TRIM47: variants seen among roughly 807,000 people sequenced by gnomAD.
The protein encoded by TRIM47 is E3 ubiquitin-protein ligase TRIM47.
TRIM47 carries 46 observed loss-of-function variants against 54.4 expected under a neutral mutation model. That is an observed-to-expected ratio of 0.84 (90% confidence interval 0.67 to 1.08). The LOEUF (loss-of-function observed/expected upper bound fraction) is 1.08, where lower values mean the gene tolerates loss of function less well. Ranked by LOEUF, TRIM47 falls within the 50% of genes least tolerant of loss-of-function variation. The pLI, the probability that TRIM47 is intolerant of heterozygous loss-of-function variation, is 0.00. For missense variants in TRIM47, 825 were observed against 910.1 expected (o/e 0.91, Z 1.20); for synonymous variants, 392 against 410.2 (o/e 0.96, Z 0.54).
chr17:75,875,212 C>T lies in TRIM47; in HGVS notation c.1277-89G>A, dbSNP rs1345241438. 6 of 1,444,072 alleles carry T rather than the reference C, an allele frequency of 4.2e-6. No individual in the cohort carries two copies. The Admixed American group carries it at 6.5e-5, about 16-fold the overall frequency. 89.5% of individuals were successfully genotyped at this position (1,444,072 alleles called of 1,614,324 possible). On this transcript the variant is annotated intron_variant, in intron 5 of 5. Coordinates refer to ENST00000254816, the MANE Select transcript of TRIM47 (RefSeq NM_033452.3). This position sits in a 1 kb window ranked among gnomAD's most constrained non-coding sequence, Gnocchi z 6.1. Reference sequence around the variant, plus strand: ...CCCAAGTACCCACCCCCCCAAAACACAGCCTCTCCCCTGCTTTCCAACCGG... The same window carrying T: ...CCCAAGTACCCACCCCCCCAAAACATAGCCTCTCCCCTGCTTTCCAACCGG...
chr17:75,875,577 A>C lies in TRIM47; in HGVS notation c.1202-103T>G. On this transcript the variant is annotated intron_variant, in intron 4 of 5. Coordinates refer to ENST00000254816, the MANE Select transcript of TRIM47 (RefSeq NM_033452.3). This position sits in a 1 kb window ranked among gnomAD's most constrained non-coding sequence, Gnocchi z 6.1. ...TCACTTCCTCCCAGAGTCCAGAGCC[A>C]CCAGGGAGCAAGCACCACCCAGATG... 6 of 1,070,734 alleles carry C rather than the reference A, an allele frequency of 5.6e-6. No individual in the cohort carries two copies. The highest frequency in any genetic ancestry group is 8.5e-6 in the Non-Finnish European group (6 of 705,514). 66.3% of individuals were successfully genotyped at this position (1,070,734 alleles called of 1,614,324 possible).
intron 1 of TRIM47, 55 bp downstream of exon 1, chr17:75,877,819 T>C (rs2065144443): frequency 1.6e-6 from 2 of 1,285,808 alleles, no homozygotes; most frequent in Non-Finnish European, 2.0e-6. Flanking sequence ...CTCGGCCCGC[T>C]CGCGCGCGGT....
chr17:75,874,671 C>T lies in TRIM47; in HGVS notation c.1729G>A (p.Ala577Thr). ...ATGCCACCCCGGCGGGGCCGGGAGG[C>T]CTTCAGCCTCCGCAGGAGGCTCATC... The part of the protein sequence containing the change: ...GKMSLLRRLK[A>T]SRPRRGGIPA... Residue 577 changes from alanine (A) to threonine (T), a missense_variant, in exon 6 of 6, where the codon GCC becomes ACC. Physicochemically the swap from Ala to Thr is moderately conservative, Grantham distance 58. Coordinates refer to ENST00000254816, the MANE Select transcript of TRIM47 (RefSeq NM_033452.3). The surrounding 1 kb of genome is among the most constrained non-coding windows in gnomAD (Gnocchi z 6.2). 6.2e-7 allele frequency: 1 copy of T among 1,602,402 alleles called. No homozygotes were observed. The highest frequency in any genetic ancestry group is 8.5e-7 in the Non-Finnish European group (1 of 1,172,358).
At chr17:75,877,654 G>C (rs549033476) in intron 1 of TRIM47, 2 of 1,225,244 alleles carry the variant, frequency 1.6e-6, no homozygotes, top group South Asian at 4.1e-5. Flanking sequence ...CCCGCTCTTC[G>C]CGTCCTTGTC....
chr17:75,878,249 C>A lies in TRIM47; in HGVS notation c.300G>T (p.Ser100=). Residue 100 remains serine, a synonymous_variant, in exon 1 of 6, where the codon TCG becomes TCT. Transcript: ENST00000254816. ...GPAPALAPEP[S]APSALPSVPE... ...GGACACTGGGCAGCGCGCTGGGTGC[C>A]GAGGGCTCCGGGGCCAGGGCAGGGG... 8.1e-7 allele frequency: 1 copy of A among 1,238,806 alleles called. No homozygotes were observed. The highest frequency in any genetic ancestry group is 3.5e-5 in the South Asian group (1 of 28,842). 76.7% of individuals were successfully genotyped at this position (1,238,806 alleles called of 1,614,324 possible).
rs762497679 is a variant in TRIM47, at chr17:75,874,981, G to A, written c.1419C>T (p.Gly473=). 3.3e-5 allele frequency: 53 copies of A among 1,613,898 alleles called. No homozygotes were observed. Among genetic ancestry groups the A allele is most frequent in the Non-Finnish European group, 4.2e-5 (49 of 1,179,978 alleles). The change falls in exon 6 of 6, where the codon GGC becomes GGT. Residue 473 remains glycine, a synonymous_variant. Coordinates refer to ENST00000254816, the MANE Select transcript of TRIM47 (RefSeq NM_033452.3). The surrounding 1 kb of genome is among the most constrained non-coding windows in gnomAD (Gnocchi z 6.2). ...AGGTGCCTCGGTCCAGGGCACCCTC[G>A]CCCAGCACCTGCTCACAATGGGTGA... The part of the protein sequence containing the change: ...TRFTHCEQVL[G]EGALDRGTYY...
rs2065126814 is a variant in TRIM47 at position 75,875,288 on chromosome 17, C to A, written c.1276+112G>T. On this transcript the variant is annotated intron_variant, in intron 5 of 5. Transcript: ENST00000254816. This position sits in a 1 kb window ranked among gnomAD's most constrained non-coding sequence, Gnocchi z 6.1. ...CCCCAGGAGCTGCCCTAGCTCTCCC[C>A]ACAAACTGGGGAGAGGAATCCTAAC... 1.2e-5 allele frequency: 17 copies of A among 1,456,220 alleles called. No homozygotes were observed. Among genetic ancestry groups the A allele is most frequent in the Non-Finnish European group, 1.3e-5 (14 of 1,050,044 alleles). The allele number at this position is 1,456,220 out of a possible 1,614,324, so 90.2% of individuals were successfully genotyped here. A position where few individuals can be genotyped will look rare whatever the true frequency, so the allele number is the denominator to read the frequency against.
At chr17:75,877,498 C>T (rs2065142671) in intron 1 of TRIM47, 1 of 280,408 alleles carries the variant, frequency 3.6e-6, no homozygotes, top group Non-Finnish European at 6.1e-6. Flanking sequence ...TCGAAAGCTG[C>T]TGCCTCAGCC....
chr17:75,874,646 AT>A lies in TRIM47; in HGVS notation c.1753del (p.Ile585SerfsTer51), dbSNP rs2065120722. The A allele has an allele frequency of 9.4e-6, 15 of 1,590,752 alleles. No individual in the cohort carries two copies. Among genetic ancestry groups the A allele is most frequent in the Non-Finnish European group, 1.3e-5 (15 of 1,166,846 alleles). On this transcript the variant is annotated frameshift_variant, in exon 6 of 6. Transcript: ENST00000254816. LOFTEE classifies it high-confidence loss of function. The surrounding 1 kb of genome is among the most constrained non-coding windows in gnomAD (Gnocchi z 6.2). Reference sequence around the variant, plus strand: ...GAAGGGGTCAATGGGGGAGGCCGGGATGCCACCCCGGCGGGGCCGGGAGGCC... The same window carrying A: ...GAAGGGGTCAATGGGGGAGGCCGGGAGCCACCCCGGCGGGGCCGGGAGGCC... ...LKASRPRRGG[I>X]PASPIDPFQS...
chr17:75,876,951 G>A lies in TRIM47; in HGVS notation c.676-138C>T, dbSNP rs1372823253. The A allele has an allele frequency of 6.3e-6, 5 of 788,790 alleles. No homozygotes were observed. In the East Asian group the frequency reaches 8.1e-5, roughly 13 times the overall value. The allele number at this position is 788,790 out of a possible 1,614,324, so 48.9% of individuals were successfully genotyped here. On this transcript the variant is annotated intron_variant, in intron 1 of 5. Transcript: ENST00000254816. ...CATCAGGTGGGACTGGAGTGGCCACGATGTCCCATAATATGCCAGAGGTGC... is the reference window on the plus strand; with the variant it reads ...CATCAGGTGGGACTGGAGTGGCCACAATGTCCCATAATATGCCAGAGGTGC...
chr17:75,874,508 C>T lies in TRIM47; in HGVS notation c.1892G>A (p.Cys631Tyr), dbSNP rs1567833875. ...HLQIGPLKKSCISVLKRR is the reference protein window; with the variant it reads ...HLQIGPLKKSYISVLKRR ...TCACCTCCTCTTCAGCACGGATATG[C>T]AGGACTTCTTGAGGGGCCCGATCTG... Residue 631 changes from cysteine to tyrosine, a missense_variant, in exon 6 of 6, where the codon TGC becomes TAC. Transcript: ENST00000254816. The surrounding 1 kb of genome is among the most constrained non-coding windows in gnomAD (Gnocchi z 6.2). 1 of 1,511,166 alleles carries T rather than the reference C, an allele frequency of 6.6e-7. No homozygotes were observed. The highest frequency in any genetic ancestry group is 8.9e-7 in the Non-Finnish European group (1 of 1,129,698). 93.6% of individuals were successfully genotyped at this position (1,511,166 alleles called of 1,614,324 possible).
chr17:75,876,216 C>T (rs748278569), intron 3 of TRIM47, 46 bp downstream of exon 3: 64 of 1,573,848 alleles, frequency 4.1e-5, no homozygotes, highest in Middle Eastern at 1.9e-4. Flanking sequence ...TCCACCCCAC[C>T]TGTCCCAGCT....
chr17:75,876,022 G>C lies in TRIM47; in HGVS notation c.1080C>G (p.Thr360=). The change falls in exon 4 of 6, where the codon ACC becomes ACG. Residue 360 remains threonine (T), a synonymous_variant. Transcript: ENST00000254816. ...CTGCACGGACAGCTTGGGATGATTT[G>C]GTGAAGCTGAGCTCCCTCGGGGGTC... ...GPGPPRELSF[T]KSSQAVRAVR... The C allele has an allele frequency of 6.2e-7, 1 of 1,604,550 alleles. No individual in the cohort carries two copies. Among genetic ancestry groups the C allele is most frequent in the East Asian group, 2.2e-5 (1 of 44,888 alleles).
At position 75,874,663 on chromosome 17, in the gene TRIM47, C is replaced by A; in HGVS notation, c.1737G>T (p.Arg579=). The A allele has an allele frequency of 6.3e-7, 1 of 1,598,576 alleles. No homozygotes were observed. The highest frequency in any genetic ancestry group is 2.2e-5 in the East Asian group (1 of 44,532). ...MSLLRRLKAS[R]PRRGGIPASP... The stretch of plus-strand genomic sequence containing the variant: ...AGGCCGGGATGCCACCCCGGCGGGG[C>A]CGGGAGGCCTTCAGCCTCCGCAGGA... The change falls in exon 6 of 6, where the codon CGG becomes CGT. Residue 579 remains arginine (R), a synonymous_variant. Coordinates refer to ENST00000254816, the MANE Select transcript of TRIM47 (RefSeq NM_033452.3). The surrounding 1 kb of genome is among the most constrained non-coding windows in gnomAD (Gnocchi z 6.2).
Position 75,877,901 on chromosome 17 carries a change from C to T in TRIM47, c.648G>A (p.Pro216=), listed in dbSNP as rs1244044836. The change falls in exon 1 of 6, where the codon CCG becomes CCA. Residue 216 remains proline, a synonymous_variant. Coordinates refer to ENST00000254816, the MANE Select transcript of TRIM47 (RefSeq NM_033452.3). ...AQEHRGHELV[P]LEQERALQEA... ...CCTGAAGCGCGCGCTCCTGCTCCAG[C>T]GGCACCAGCTCGTGGCCGCGGTGCT... 1.4e-6 allele frequency: 2 copies of T among 1,416,534 alleles called. No individual in the cohort carries two copies. The highest frequency in any genetic ancestry group is 2.8e-5 in the Admixed American group (1 of 35,474). 87.7% of individuals were successfully genotyped at this position (1,416,534 alleles called of 1,614,324 possible). A position where few individuals can be genotyped will look rare whatever the true frequency, so the allele number is the denominator to read the frequency against.
Position 75,875,555 on chromosome 17 carries a change from C to T in TRIM47, c.1202-81G>A. 1 of 1,317,932 alleles carries T rather than the reference C, an allele frequency of 7.6e-7. No homozygotes were observed. The highest frequency in any genetic ancestry group is 2.3e-5 in the East Asian group (1 of 42,940). The allele number at this position is 1,317,932 out of a possible 1,614,324, so 81.6% of individuals were successfully genotyped here. A position where few individuals can be genotyped will look rare whatever the true frequency, so the allele number is the denominator to read the frequency against. On this transcript the variant is annotated intron_variant, in intron 4 of 5. Transcript: ENST00000254816. The surrounding 1 kb of genome is among the most constrained non-coding windows in gnomAD (Gnocchi z 6.1). ...GTGACTACAATCCCTACCCCCTTCA[C>T]TTCCTCCCAGAGTCCAGAGCCACCA...
chr17:75,878,010 C>A lies in TRIM47; in HGVS notation c.539G>T (p.Ser180Ile). 2 of 1,462,898 alleles carry A rather than the reference C, an allele frequency of 1.4e-6. No homozygotes were observed. Among genetic ancestry groups the A allele is most frequent in the East Asian group, 2.9e-5 (1 of 33,986 alleles). 90.6% of individuals were successfully genotyped at this position (1,462,898 alleles called of 1,614,324 possible). A position where few individuals can be genotyped will look rare whatever the true frequency, so the allele number is the denominator to read the frequency against. The change falls in exon 1 of 6, where the codon AGC (serine) becomes ATC (isoleucine). Residue 180 changes from serine to isoleucine, a missense_variant. Ser to Ile is a moderately radical substitution (Grantham distance 142, BLOSUM62 -2). Transcript: ENST00000254816. ...CGGCCGTAGGTGGCGCGGGCACAGG[C>A]TCTCCTCTAGCCGGCGCAGCGGCGG... ...LVPPLRRLEE[S>I]LCPRHLRPLE... is the part of the protein sequence containing the mutation.
chr17:75,877,658 C>T (rs2065143502), intron 1 of TRIM47: 2 of 1,229,780 alleles, frequency 1.6e-6, no homozygotes, highest in South Asian at 8.0e-5. Flanking sequence ...CTCTTCGCGT[C>T]CTTGTCCTGT....
Position 75,874,348 on chromosome 17 carries a change from A to G in TRIM47, c.*135T>C. The G allele has an allele frequency of 1.2e-6, 1 of 823,332 alleles. No homozygotes were observed. Among genetic ancestry groups the G allele is most frequent in the Non-Finnish European group, 1.8e-6 (1 of 563,394 alleles). 51.0% of individuals were successfully genotyped at this position (823,332 alleles called of 1,614,324 possible). ...TGGGAGAGGGAAGGCTGAGTGTATA[A>G]AAAGGTGGAAGCCTCTAGAAATGAG... On this transcript the variant is annotated 3_prime_UTR_variant, in exon 6 of 6. Coordinates refer to ENST00000254816, the MANE Select transcript of TRIM47 (RefSeq NM_033452.3). The surrounding 1 kb of genome is among the most constrained non-coding windows in gnomAD (Gnocchi z 6.2).
Sources: allele counts gnomAD v4.1 joint callset, GRCh38; gene constraint gnomAD v4.1.1; non-coding constraint Gnocchi (gnomAD v3.1); transcripts MANE v1.5; gene names NCBI Gene and HGNC (gene_info 2026-07-23, HGNC 2026-07-21).